LMNTD2: variants seen among roughly 807,000 people sequenced by gnomAD.
LMNTD2 encodes lamin tail domain-containing protein 2.
In LMNTD2, 83 loss-of-function variants were observed where a neutral mutation model predicts 70.1. The ratio of observed to expected loss-of-function variants is 1.18; its 90% CI spans 0.99 to 1.42. The LOEUF is 1.42. LMNTD2 is among the 40% of genes most tolerant of loss of function. LMNTD2 has a pLI of 0.00. For missense variants in LMNTD2, 1,153 were observed against 905.9 expected, an observed-to-expected ratio of 1.27 and a Z score of -3.50; for synonymous variants, 534 against 406.1, an observed-to-expected ratio of 1.31 and a Z score of -3.79.
rs749833707 is a variant in LMNTD2 at position 558,151 on chromosome 11, CCT to C, written c.399+8_399+9del. ...CAGGACCCTGCCCACTCCCTGTGCC[CCT>C]GCCTCACCCACTGGGCTCGCTCCTT... is the stretch of plus-strand genomic sequence containing the variant. On this transcript the variant is annotated splice_region_variant and intron_variant, in intron 4 of 13. Coordinates refer to ENST00000329451, the MANE Select transcript of LMNTD2 (RefSeq NM_173573.3). 5 of 1,612,984 alleles carry C rather than the reference CCT, an allele frequency of 3.1e-6. No individual in the cohort carries two copies. In the South Asian group the frequency reaches 5.5e-5, roughly 18 times the overall value.
At chr11:558,834 C>T (rs1347459588) in intron 2 of LMNTD2, 22 bp downstream of exon 2, 2 of 1,596,858 alleles carry the variant, frequency 1.3e-6, no homozygotes, top group South Asian at 2.2e-5. Flanking sequence ...GGAGGCTCAC[C>T]AGTCCTCCCT....
Position 558,232 on chromosome 11 carries a change from C to T in LMNTD2, c.328G>A (p.Glu110Lys), listed in dbSNP as rs117038322. The T allele has an allele frequency of 1.4e-3, 2,246 of 1,613,544 alleles. 1 individual carries two copies. The highest frequency in any genetic ancestry group is 5.9e-3 in the Middle Eastern group (36 of 6,060). Residue 110 changes from glutamate (E) to lysine (K), a missense_variant, in exon 4 of 14, where the codon GAG becomes AAG. Coordinates refer to ENST00000329451, the MANE Select transcript of LMNTD2 (RefSeq NM_173573.3). ...TGGACCTGGTTCTGCAGGAGTTTCT[C>T]CTGACTGTGGGAGCTCCTGGAGGAG... ...LPPKRSSHSQ[E>K]KLLQNQVQKL...
rs1044113804 is a variant in LMNTD2, at chr11:556,343, C to A, written c.1106G>T (p.Cys369Phe). Residue 369 changes from cysteine to phenylalanine, a missense_variant, in exon 10 of 14, where the codon TGC becomes TTC. Coordinates refer to ENST00000329451, the MANE Select transcript of LMNTD2 (RefSeq NM_173573.3). ...PTGLKIVAVS[C>F]REKFVRIFNP... ...GAAGATGCGGACGAACTTCTCCCGG[C>A]AGCTCACAGCCACGATCTTCAGGCC... is the stretch of plus-strand genomic sequence containing the variant. The A allele has an allele frequency of 3.0e-5, 46 of 1,535,674 alleles. No homozygotes were observed. In the African/African-American group the frequency reaches 6.2e-4, roughly 21 times the overall value.
chr11:559,152 C>T lies in LMNTD2; in HGVS notation c.35-173G>A, dbSNP rs938098324. ...CAGGCGTCACCACTTACTCACAGAG[C>T]GTTGCTCTCTGAAGGGACCCACATG... On this transcript the variant is annotated intron_variant, in intron 1 of 13. Transcript: ENST00000329451. 22 of 1,464,378 alleles carry T rather than the reference C, an allele frequency of 1.5e-5. No homozygotes were observed. In the East Asian group the frequency reaches 1.7e-4, roughly 12 times the overall value. The allele number at this position is 1,464,378 out of a possible 1,614,324, so 90.7% of individuals were successfully genotyped here.
rs754755381 is a variant in LMNTD2, at chr11:556,833, A to C, written c.976+2T>G. The stretch of plus-strand genomic sequence containing the variant: ...AACCAGGGGAGACCCGCCCCACTGC[A>C]CCTTCTGAGTCCCTGCTGTAGCTGC... On this transcript the variant is annotated splice_donor_variant, in intron 8 of 13. Transcript: ENST00000329451. LOFTEE classifies it high-confidence loss of function. 8 of 1,566,604 alleles carry C rather than the reference A, an allele frequency of 5.1e-6. No individual in the cohort carries two copies. The South Asian group carries it at 9.4e-5, about 18-fold the overall frequency.
chr11:557,562 C>T lies in LMNTD2; in HGVS notation c.624+10G>A, dbSNP rs1424770737. The T allele has an allele frequency of 6.8e-6, 11 of 1,613,436 alleles. No homozygotes were observed. In the South Asian group the frequency reaches 9.9e-5, roughly 14 times the overall value. On this transcript the variant is annotated intron_variant, in intron 6 of 13. Transcript: ENST00000329451. ...GATACCAGACCACACACGTGGGAGG[C>T]CTAGCTCACCTCCCCGGTGGGGGCC...
At position 557,878 on chromosome 11, in the gene LMNTD2, G is replaced by A; in HGVS notation, c.555+6C>T. The A allele has an allele frequency of 1.3e-6, 2 of 1,558,860 alleles. No individual in the cohort carries two copies. The highest frequency in any genetic ancestry group is 1.7e-6 in the Non-Finnish European group (2 of 1,153,058). On this transcript the variant is annotated splice_donor_region_variant and intron_variant, in intron 5 of 13. Coordinates refer to ENST00000329451, the MANE Select transcript of LMNTD2 (RefSeq NM_173573.3). ...TGGGGCAGGAGGGCTTGGGGGACAG[G>A]CTCACCTCCACACTGCCAGTCTGGG...
In LMNTD2 at chr11:558,147, T is replaced by C. The variant is rs769984820; in HGVS notation, c.399+14A>G. The C allele has an allele frequency of 2.5e-6, 4 of 1,612,820 alleles. No homozygotes were observed. The Admixed American group carries it at 6.7e-5, about 27-fold the overall frequency. On this transcript the variant is annotated intron_variant, in intron 4 of 13. Coordinates refer to ENST00000329451, the MANE Select transcript of LMNTD2 (RefSeq NM_173573.3). ...ACACCAGGACCCTGCCCACTCCCTGTGCCCCTGCCTCACCCACTGGGCTCG... is the reference window on the plus strand; with the variant it reads ...ACACCAGGACCCTGCCCACTCCCTGCGCCCCTGCCTCACCCACTGGGCTCG...
chr11:556,372 C>G lies in LMNTD2; in HGVS notation c.1077G>C (p.Pro359=). The change falls in exon 10 of 14, where the codon CCG becomes CCC. Residue 359 remains proline, a synonymous_variant. Transcript: ENST00000329451. Reference sequence around the variant, plus strand: ...TCACAGCCACGATCTTCAGGCCTGTCGGGCTGGGAAGAGAGGAGACGCTGT... The same window carrying G: ...TCACAGCCACGATCTTCAGGCCTGTGGGGCTGGGAAGAGAGGAGACGCTGT... ...DHWSPELLQS[P]TGLKIVAVSC... is the part of the protein sequence containing the mutation. The G allele has an allele frequency of 3.9e-6, 6 of 1,536,030 alleles. No individual in the cohort carries two copies. Among genetic ancestry groups the G allele is most frequent in the Non-Finnish European group, 3.5e-6 (4 of 1,145,784 alleles).
rs752884321 is a variant in LMNTD2, at chr11:556,043, G to A, written c.1330C>T (p.Leu444Phe). ...ASSSREPVPL[L>F]SIRGCATLLL... ...AGCGTCGCGCAGCCGCGGATGGAGAGGAGGGGAACGGGCTCCCGGCTCGAG... is the reference window on the plus strand; with the variant it reads ...AGCGTCGCGCAGCCGCGGATGGAGAAGAGGGGAACGGGCTCCCGGCTCGAG... The change falls in exon 11 of 14, where the codon CTC becomes TTC. Residue 444 changes from leucine (L) to phenylalanine (F), a missense_variant. Physicochemically the swap from Leu to Phe is conservative, Grantham distance 22. Transcript: ENST00000329451. The A allele has an allele frequency of 1.3e-6, 2 of 1,554,276 alleles. No individual in the cohort carries two copies. Among genetic ancestry groups the A allele is most frequent in the Admixed American group, 3.6e-5 (2 of 55,014 alleles).
intron 3 of LMNTD2, 169 bp downstream of exon 3, chr11:558,445 T>TCCACA (rs1853045725): frequency 9.5e-7 from 1 of 1,047,932 alleles, no homozygotes; most frequent in African/African-American, 1.6e-5. Flanking sequence ...ATGCGCAGGG[T>TCCACA]TAGGGTGGAG....
At chr11:556,618 A>C in intron 8 of LMNTD2, 30 bp from the exon 9 acceptor site, 1 of 1,476,566 alleles carries the variant, frequency 6.8e-7, no homozygotes, top group Non-Finnish European at 9.0e-7. Context: ...TGGGGAGGGG[A>C]CCCTCGAATG....
chr11:556,366 G>C lies in LMNTD2; in HGVS notation c.1083C>G (p.Gly361=). ...WSPELLQSPT[G]LKIVAVSCRE... is the part of the protein sequence containing the mutation. ...GGCAGCTCACAGCCACGATCTTCAG[G>C]CCTGTCGGGCTGGGAAGAGAGGAGA... The change falls in exon 10 of 14, where the codon GGC becomes GGG. Residue 361 remains glycine, a synonymous_variant. Transcript: ENST00000329451. 1 of 1,536,316 alleles carries C rather than the reference G, an allele frequency of 6.5e-7. No individual in the cohort carries two copies. Among genetic ancestry groups the C allele is most frequent in the Non-Finnish European group, 8.7e-7 (1 of 1,146,128 alleles).
At position 556,249 on chromosome 11, in the gene LMNTD2, C is replaced by T. The variant is rs778697304; in HGVS notation, c.1200G>A (p.Pro400=). 3.4e-5 allele frequency: 52 copies of T among 1,529,192 alleles called. No individual in the cohort carries two copies. Among genetic ancestry groups the T allele is most frequent in the Non-Finnish European group, 4.5e-5 (52 of 1,144,024 alleles). 94.7% of individuals were successfully genotyped at this position (1,529,192 alleles called of 1,614,324 possible). ...CCGGCGGGAAGCGGTACAGGCGCTC[C>T]GGGAAGCCGCGCACCAGCTGCTTCA... The part of the protein sequence containing the change: ...MVLKQLVRGF[P]ERLYRFPPGT... Residue 400 remains proline (P), a synonymous_variant, in exon 10 of 14, where the codon CCG becomes CCA. Coordinates refer to ENST00000329451, the MANE Select transcript of LMNTD2 (RefSeq NM_173573.3).
Position 555,500 on chromosome 11 carries a change from C to A in LMNTD2, c.1578G>T (p.Thr526=). The A allele has an allele frequency of 8.1e-6, 11 of 1,358,770 alleles. No homozygotes were observed. Among genetic ancestry groups the A allele is most frequent in the Non-Finnish European group, 1.0e-5 (11 of 1,061,758 alleles). 84.2% of individuals were successfully genotyped at this position (1,358,770 alleles called of 1,614,324 possible). The change falls in exon 13 of 14, where the codon ACG becomes ACT. Residue 526 remains threonine, a synonymous_variant. Coordinates refer to ENST00000329451, the MANE Select transcript of LMNTD2 (RefSeq NM_173573.3). ...EPRVSRRRPG[T]RGLLPPVSSG... ...AGCTCACTGGGGGCAGCAGGCCCCG[C>A]GTCCTGGTGGGGCGAGGGTCGTGAG...
rs1296446683 is a variant in LMNTD2 at position 556,365 on chromosome 11, G to A, written c.1084C>T (p.Leu362=). 6 of 1,536,246 alleles carry A rather than the reference G, an allele frequency of 3.9e-6. No homozygotes were observed. The highest frequency in any genetic ancestry group is 2.0e-5 in the Admixed American group (1 of 50,766). ...SPELLQSPTG[L]KIVAVSCREK... ...CGGCAGCTCACAGCCACGATCTTCAGGCCTGTCGGGCTGGGAAGAGAGGAG... is the reference window on the plus strand; with the variant it reads ...CGGCAGCTCACAGCCACGATCTTCAAGCCTGTCGGGCTGGGAAGAGAGGAG... The change falls in exon 10 of 14, where the codon CTG becomes TTG. Residue 362 remains leucine (L), a synonymous_variant. Coordinates refer to ENST00000329451, the MANE Select transcript of LMNTD2 (RefSeq NM_173573.3).
intron 1 of LMNTD2, 103 bp from the exon 2 acceptor site, chr11:559,082 C>A: frequency 6.5e-7 from 1 of 1,545,838 alleles, no homozygotes; most frequent in Non-Finnish European, 8.7e-7. Context: ...GTGGGGGGCC[C>A]GTCTGCCGTG....
intron 1 of LMNTD2, chr11:559,884 T>A: frequency 1.8e-6 from 1 of 557,492 alleles, no homozygotes; most frequent in Non-Finnish European, 2.3e-6. Context: ...TTCCGCCTCC[T>A]GACTTGCTGA....
intron 7 of LMNTD2, 81 bp downstream of exon 7, chr11:557,318 T>A: frequency 8.3e-6 from 12 of 1,451,368 alleles, no homozygotes; most frequent in African/African-American, 1.4e-5. Flanking sequence ...CACTAAATGG[T>A]CCTTTAGTGT....
Sources: gnomAD v4.1 joint callset for allele counts on GRCh38, gnomAD v4.1.1 for gene constraint, MANE v1.5 for transcripts, NCBI Gene and HGNC (gene_info 2026-07-23, HGNC 2026-07-21) for gene names.